The following TSHZ3 variants were observed in gnomAD, a reference collection of about 807,000 sequenced individuals.
TSHZ3 encodes the protein teashirt homolog 3.
TSHZ3 carries 10 observed loss-of-function variants against 64.5 expected under a neutral mutation model. The ratio of observed to expected loss-of-function variants is 0.16; its 90% confidence interval spans 0.10 to 0.26. The LOEUF is 0.26. Ranked by LOEUF, TSHZ3 falls within the 10% of genes least tolerant of loss-of-function variation. The pLI, the probability that TSHZ3 is intolerant of heterozygous loss-of-function variation, is 1.00. For missense variants in TSHZ3, 1,242 were observed against 1,421.7 expected (o/e 0.87, Z 2.03); for synonymous variants, 608 against 593.1 (o/e 1.03, Z -0.36).
At chr19:31,179,860 G>C (rs1379085602) in intron 5 of TSHZ3, among the ~76,000 whole-genome samples, 1 of 151,140 alleles carries the variant, frequency 6.6e-6, no homozygotes, top group African/African-American at 2.4e-5. Flanking sequence ...AGTAAAGATG[G>C]TGGTGATGAT....
At position 31,239,562 on chromosome 19, in the gene TSHZ3, AT is replaced by A. The variant is rs888084466; in HGVS notation, n.550+2706del. Among the ~76,000 whole-genome samples the A allele has an allele frequency of 7.3e-5, 11 of 151,418 alleles. No individual in the cohort carries two copies. In the South Asian group the frequency reaches 8.4e-4, roughly 12 times the overall value. ...GGATATAGAAATCTAAATTGACAGG[AT>A]TTTTTTTTCATTTACACTTTATTTT... is the stretch of plus-strand genomic sequence containing the variant. On this transcript the variant is annotated intron_variant and non_coding_transcript_variant, in intron 3 of 6. Transcript: ENST00000651361.
intron 6 of TSHZ3, among the ~76,000 whole-genome samples, chr19:31,153,180 C>A (rs934901174): frequency 1.3e-5 from 2 of 152,024 alleles, no homozygotes; most frequent in Admixed American, 1.3e-4. Context: ...TTGATGATAC[C>A]GTGTGACATA....
intron 3 of TSHZ3, among the ~76,000 whole-genome samples, chr19:31,237,137 A>C (rs1975628165): frequency 6.6e-6 from 1 of 152,170 alleles, no homozygotes; most frequent in South Asian, 2.1e-4. Context: ...GACAGAGCGA[A>C]ACTCCGTCTA....
chr19:31,293,691 G>T (rs550617474), intron 1 of TSHZ3, among the ~76,000 whole-genome samples: 4 of 152,314 alleles, frequency 2.6e-5, no homozygotes, highest in Non-Finnish European at 4.4e-5. Flanking sequence ...CAGCATCATT[G>T]TATATCTCTT....
chr19:31,297,758 C>T (rs1174918386), intron 1 of TSHZ3, among the ~76,000 whole-genome samples: 4 of 152,148 alleles, frequency 2.6e-5, no homozygotes, highest in African/African-American at 9.7e-5. Context: ...TGCACTTGGC[C>T]TGAACTTTCT....
rs373162270 is a variant in TSHZ3 at position 31,226,602 on chromosome 19, A to G, written n.686+1403T>C. ...CAGCGTGAAAATGGACTAATACACC[A>G]TTCCATCAGAACTTCCCTGCTAACC... is the stretch of plus-strand genomic sequence containing the variant. On this transcript the variant is annotated intron_variant and non_coding_transcript_variant, in intron 4 of 6. Transcript: ENST00000651361. Among the ~76,000 whole-genome samples, 206 of 152,262 alleles carry G rather than the reference A, an allele frequency of 1.4e-3. 8 individuals are homozygous for G. In the South Asian group the frequency reaches 0.043, roughly 31 times the overall value.
intron 1 of TSHZ3, among the ~76,000 whole-genome samples, chr19:31,338,842 T>C (rs1010553601): frequency 1.4e-5 from 2 of 144,082 alleles, no homozygotes; most frequent in Admixed American, 7.0e-5. Flanking sequence ...TTTCTTTCTT[T>C]TTTCTTTTTT....
chr19:31,308,923 C>T (rs1427953105), intron 1 of TSHZ3, among the ~76,000 whole-genome samples: 2 of 152,208 alleles, frequency 1.3e-5, no homozygotes, highest in Admixed American at 6.5e-5. Flanking sequence ...GATTCCACGC[C>T]GCCTAACTTT....
intron 1 of TSHZ3, among the ~76,000 whole-genome samples, chr19:31,256,333 G>T (rs547554490): frequency 1.3e-5 from 2 of 152,208 alleles, no homozygotes; most frequent in East Asian, 3.9e-4. Context: ...CTGCCGCCCA[G>T]CCCCATCAGC....
chr19:31,277,233 A>T lies in TSHZ3; in HGVS notation c.2560T>A (p.Leu854Met). 1 of 1,614,138 alleles carries T rather than the reference A, an allele frequency of 6.2e-7. No individual in the cohort carries two copies. The highest frequency in any genetic ancestry group is 8.5e-7 in the Non-Finnish European group (1 of 1,180,030). The change falls in exon 2 of 2, where the codon TTG becomes ATG. Residue 854 changes from leucine to methionine, a missense_variant. Coordinates refer to ENST00000240587, the MANE Select transcript of TSHZ3 (RefSeq NM_020856.4). The surrounding 1 kb of genome is among the most constrained non-coding windows in gnomAD (Gnocchi z 4.5). Reference sequence around the variant, plus strand: ...GATTTTGACGTGTGGCTCTCTGTCAAGTTCTTCAGCATATCGGATATATCT... The same window carrying T: ...GATTTTGACGTGTGGCTCTCTGTCATGTTCTTCAGCATATCGGATATATCT... ...LSDISDMLKN[L>M]TESHTSKSST...
Position 31,291,747 on chromosome 19 carries a change from C to T in TSHZ3, c.41-11995G>A, listed in dbSNP as rs138183919. ...GGGCATCAAACCAATGGTGGAAGCC[C>T]GCACCTGTCTGCTGTCATGGGGAGT... On this transcript the variant is annotated intron_variant, in intron 1 of 1. Transcript: ENST00000240587. Among the ~76,000 whole-genome samples, 265 of 152,248 alleles carry T rather than the reference C, an allele frequency of 1.7e-3. 3 individuals are homozygous for T. Among genetic ancestry groups the T allele is most frequent in the African/African-American group, 5.9e-3 (246 of 41,530 alleles).
rs2021626090 is a variant in TSHZ3, at chr19:31,349,312, G to A, written c.-93C>T. On this transcript the variant is annotated 5_prime_UTR_variant, in exon 1 of 2. Transcript: ENST00000240587. ...GGGCGGCGGGCCCGCGGGGGGGCGA[G>A]GCGGGCCTGCTCTCAGCCTCCCCCC... is the stretch of plus-strand genomic sequence containing the variant. The A allele has an allele frequency of 2.3e-6, 3 of 1,317,436 alleles. No homozygotes were observed. The Admixed American group carries it at 8.3e-5, about 37-fold the overall frequency. The allele number at this position is 1,317,436 out of a possible 1,614,324, so 81.6% of individuals were successfully genotyped here.
At chr19:31,201,313 T>A (rs1327418299) in intron 5 of TSHZ3, among the ~76,000 whole-genome samples, 1 of 152,156 alleles carries the variant, frequency 6.6e-6, no homozygotes, top group Non-Finnish European at 1.5e-5. Context: ...AAAATATCAA[T>A]CTCTTCGTGT....
Position 31,279,867 on chromosome 19 carries a change from G to T in TSHZ3, c.41-115C>A. 1.1e-6 allele frequency: 1 copy of T among 917,516 alleles called. No individual in the cohort carries two copies. The highest frequency in any genetic ancestry group is 1.5e-6 in the Non-Finnish European group (1 of 671,592). 56.8% of individuals were successfully genotyped at this position (917,516 alleles called of 1,614,324 possible). ...TACTTGTTGATCTTACCTAGAATAT[G>T]TTCTGGGCTCTCAGGAAAACACAGC... On this transcript the variant is annotated intron_variant, in intron 1 of 1. Transcript: ENST00000240587. The surrounding 1 kb of genome is among the most constrained non-coding windows in gnomAD (Gnocchi z 6.4).
intron 1 of TSHZ3, among the ~76,000 whole-genome samples, chr19:31,309,213 C>CA (rs1293968899): frequency 1.3e-5 from 2 of 152,226 alleles, no homozygotes; most frequent in Admixed American, 1.3e-4. Flanking sequence ...TATGGTCTCT[C>CA]AGTGCTGCCA....
intron 5 of TSHZ3, among the ~76,000 whole-genome samples, chr19:31,164,856 C>A (rs1263075221): frequency 2.6e-5 from 4 of 152,222 alleles, no homozygotes; most frequent in African/African-American, 9.6e-5. Context: ...CACCCATCGT[C>A]TTTGATTTAT....
In TSHZ3 at chr19:31,276,621, G is replaced by A. The variant is rs1976237809; in HGVS notation, c.3172C>T (p.Leu1058Phe). The A allele has an allele frequency of 6.2e-7, 1 of 1,609,996 alleles. No individual in the cohort carries two copies. Among genetic ancestry groups the A allele is most frequent in the Non-Finnish European group, 8.5e-7 (1 of 1,176,878 alleles). ...RTFASKHAVK[L>F]HLSKTHGKSP... The stretch of plus-strand genomic sequence containing the variant: ...TTCCCGTGTGTTTTGCTAAGGTGAA[G>A]TTTAACAGCGTGCTTGCTGGCAAAG... The change falls in exon 2 of 2, where the codon CTT becomes TTT. Residue 1058 changes from leucine (L) to phenylalanine (F), a missense_variant. By Grantham distance (22) the Leu-to-Phe change is conservative. This residue lies in a region of TSHZ3 where 126 missense variants were observed against 140.6 expected (regional missense o/e 0.90). Coordinates refer to ENST00000240587, the MANE Select transcript of TSHZ3 (RefSeq NM_020856.4).
chr19:31,167,359 G>C (rs1974468882), intron 5 of TSHZ3, among the ~76,000 whole-genome samples: 1 of 152,104 alleles, frequency 6.6e-6, no homozygotes, highest in South Asian at 2.1e-4. Context: ...GAGATTGAAG[G>C]GACCTGGGAG....
chr19:31,153,817 G>A (rs535504333), intron 6 of TSHZ3, among the ~76,000 whole-genome samples: 1 of 152,332 alleles, frequency 6.6e-6, no homozygotes, highest in South Asian at 2.1e-4. Context: ...AGTCTAGTAA[G>A]TGTGTTGACA....
Sources: allele counts gnomAD v4.1 joint callset (sites outside exome capture counted in the v4.1 genomes callset), GRCh38; gene constraint gnomAD v4.1.1; regional missense constraint gnomAD v4.1.1; non-coding constraint Gnocchi (gnomAD v3.1); transcripts MANE v1.5; gene names NCBI Gene and HGNC (gene_info 2026-07-23, HGNC 2026-07-21).